Variants in COL25A1 observed in about 807,000 individuals in gnomAD.
COL25A1 encodes the protein collagen type XXV alpha 1 chain.
COL25A1 carries 103 observed loss-of-function variants against 128.4 expected under a neutral mutation model. That is an observed-to-expected ratio of 0.80 (90% CI 0.68 to 0.94). The LOEUF (loss-of-function observed/expected upper bound fraction) is 0.94. Ranked by LOEUF, COL25A1 falls within the 40% of genes least tolerant of loss-of-function variation. The pLI, the probability that COL25A1 is intolerant of heterozygous loss-of-function variation, is 0.00. For synonymous variants in COL25A1, 279 were observed against 277.2 expected, an observed-to-expected ratio of 1.01 and a Z score of -0.06; for missense variants, 745 against 840.0, an observed-to-expected ratio of 0.89 and a Z score of 1.40.
At chr4:108,817,933 A>AATAC (rs2125705877) in intron 36 of COL25A1, among the ~76,000 whole-genome samples, 1 of 152,266 alleles carries the variant, frequency 6.6e-6, no homozygotes, top group East Asian at 1.9e-4. Context: ...TCTATATTGA[A>AATAC]AGTAAATACA....
chr4:109,108,746 G>A (rs1027054935), intron 3 of COL25A1, among the ~76,000 whole-genome samples: 1 of 149,636 alleles, frequency 6.7e-6, no homozygotes, highest in African/African-American at 2.5e-5. Flanking sequence ...AATTAAAATG[G>A]TACTCATTAT....
At chr4:108,836,243 G>A (rs1418049588) in intron 31 of COL25A1, among the ~76,000 whole-genome samples, 1 of 152,084 alleles carries the variant, frequency 6.6e-6, no homozygotes, top group African/African-American at 2.4e-5. Flanking sequence ...GGCTAGCATA[G>A]GTACAGCTGT....
At chr4:108,882,192 A>C (rs1410382040) in intron 19 of COL25A1, among the ~76,000 whole-genome samples, 1 of 152,016 alleles carries the variant, frequency 6.6e-6, no homozygotes, top group East Asian at 1.9e-4. Context: ...CCGAGGGTCC[A>C]GTGGGATATT....
chr4:108,940,714 A>T, intron 9 of COL25A1, 68 bp from the exon 10 acceptor site: 1 of 1,017,512 alleles, frequency 9.8e-7, no homozygotes, highest in South Asian at 1.6e-5. Context: ...TCTTTTCAGC[A>T]CCTTAAATTT....
chr4:108,918,329 T>TCCA, intron 12 of COL25A1, 113 bp from the exon 13 acceptor site: 1 of 662,328 alleles, frequency 1.5e-6, no homozygotes, highest in Non-Finnish European at 2.5e-6. Context: ...GGAAGTCTTA[T>TCCA]TTTTCAGACC....
intron 6 of COL25A1, among the ~76,000 whole-genome samples, chr4:109,008,315 C>T (rs1220969504): frequency 1.3e-5 from 2 of 152,202 alleles, no homozygotes; most frequent in African/African-American, 2.4e-5. Flanking sequence ...ACATGCTCTA[C>T]ATAGTCTCTC....
intron 3 of COL25A1, among the ~76,000 whole-genome samples, chr4:109,283,386 A>T (rs777592215): frequency 7.9e-5 from 12 of 151,960 alleles, no homozygotes; most frequent in Admixed American, 2.0e-4. Context: ...AGCTGGGACT[A>T]CCGGCATGTG....
chr4:108,984,418 G>A (rs1185589579), intron 6 of COL25A1, among the ~76,000 whole-genome samples: 8 of 152,346 alleles, frequency 5.3e-5, no homozygotes, highest in African/African-American at 1.9e-4. Flanking sequence ...GTGGTTGATG[G>A]GACTGGGCGC....
intron 6 of COL25A1, among the ~76,000 whole-genome samples, chr4:108,984,149 G>A (rs1262369246): frequency 6.6e-6 from 1 of 152,222 alleles, no homozygotes. Context: ...CACCAGAGTA[G>A]CTAGATACAG....
At chr4:108,915,936 C>A (rs1333041158) in intron 13 of COL25A1, among the ~76,000 whole-genome samples, 8 of 152,076 alleles carry the variant, frequency 5.3e-5, no homozygotes, top group Non-Finnish European at 1.0e-4. Context: ...AAAACAAAGT[C>A]TAGAGTTCAA....
chr4:108,903,158 C>G (rs937075632), intron 13 of COL25A1, among the ~76,000 whole-genome samples: 16 of 151,876 alleles, frequency 1.1e-4, no homozygotes, highest in African/African-American at 3.6e-4. Context: ...GCATAACATT[C>G]TCCTTAATAT....
chr4:109,275,380 T>C (rs1722728046), intron 3 of COL25A1, among the ~76,000 whole-genome samples: 1 of 152,024 alleles, frequency 6.6e-6, no homozygotes, highest in Non-Finnish European at 1.5e-5. Flanking sequence ...CTATGTGACA[T>C]AAAAAGTTCA....
intron 3 of COL25A1, among the ~76,000 whole-genome samples, chr4:109,078,040 T>C (rs1763531954): frequency 6.6e-6 from 1 of 152,232 alleles, no homozygotes. Flanking sequence ...GCTCTTACAA[T>C]GTCACCCATT....
At chr4:109,284,531 G>C (rs1723687633) in intron 3 of COL25A1, among the ~76,000 whole-genome samples, 2 of 152,310 alleles carry the variant, frequency 1.3e-5, no homozygotes, top group African/African-American at 4.8e-5. Flanking sequence ...CTGTAAAAAT[G>C]CAATTCCAAA....
chr4:109,167,620 C>A (rs77838197), intron 3 of COL25A1, among the ~76,000 whole-genome samples: 4,598 of 152,188 alleles, frequency 0.03, 233 homozygotes, highest in African/African-American at 0.1. Flanking sequence ...ATCAGCTTCC[C>A]TTCTTCCCCA....
rs1448477889 is a variant in COL25A1, at chr4:108,810,141, A to AAAG, written c.*3783_*3785dup. ...CTGGGTAAGACAATATATAGTGGGG[A>AAAG]AAGAAAGGATAACAAATGATGTTAA... On this transcript the variant is annotated 3_prime_UTR_variant, in exon 38 of 38. Transcript: ENST00000399132. 1.3e-5 allele frequency: 2 copies of AAAG among 151,888 alleles called. No individual in the cohort carries two copies. Among genetic ancestry groups the AAAG allele is most frequent in the East Asian group, 3.8e-4 (2 of 5,200 alleles). The allele number at this position is 151,888 out of a possible 1,614,324, so 9.4% of individuals were successfully genotyped here. A position where few individuals can be genotyped will look rare whatever the true frequency, so the allele number is the denominator to read the frequency against.
intron 3 of COL25A1, among the ~76,000 whole-genome samples, chr4:109,246,190 C>T (rs191663217): frequency 3.4e-4 from 51 of 151,844 alleles, no homozygotes; most frequent in African/African-American, 9.7e-4. Context: ...AAAACAATGA[C>T]GATTATAATG....
chr4:109,176,052 T>C (rs1438451827), intron 3 of COL25A1, among the ~76,000 whole-genome samples: 2 of 152,210 alleles, frequency 1.3e-5, no homozygotes, highest in Non-Finnish European at 2.9e-5. Flanking sequence ...AGCACACATT[T>C]ATCAGACACC....
chr4:109,108,490 T>C (rs1351885380), intron 3 of COL25A1, among the ~76,000 whole-genome samples: 2 of 152,208 alleles, frequency 1.3e-5, no homozygotes, highest in Middle Eastern at 3.4e-3. Flanking sequence ...GCAATAAACA[T>C]ACGTGTGCAT....
Sources: allele counts gnomAD v4.1 joint callset (sites outside exome capture counted in the v4.1 genomes callset), GRCh38; gene constraint gnomAD v4.1.1; transcripts MANE v1.5; gene names NCBI Gene and HGNC (gene_info 2026-07-23, HGNC 2026-07-21).